Variants in MRPL48 observed in about 807,000 individuals in gnomAD.
MRPL48 encodes large ribosomal subunit protein mL48.
In MRPL48, 16 loss-of-function variants were observed where a neutral mutation model predicts 32.9. That is an observed-to-expected ratio of 0.49 (90% CI 0.33 to 0.74). The LOEUF (loss-of-function observed/expected upper bound fraction) is 0.74. Ranked by LOEUF, MRPL48 falls within the 30% of genes least tolerant of loss-of-function variation. The pLI is 0.02. For synonymous variants in MRPL48, 94 were observed against 89.2 expected, an observed-to-expected ratio of 1.05 and a Z score of -0.31; for missense variants, 206 against 245.3, an observed-to-expected ratio of 0.84 and a Z score of 1.07.
intron 3 of MRPL48, among the ~76,000 whole-genome samples, chr11:73,821,485 G>A (rs150492176): frequency 6.6e-6 from 1 of 152,098 alleles, no homozygotes; most frequent in African/African-American, 2.4e-5. Flanking sequence ...CTCATCTCTT[G>A]CCACCCTGAT....
intron 4 of MRPL48, among the ~76,000 whole-genome samples, chr11:73,833,565 A>G (rs1478672055): frequency 6.6e-6 from 1 of 152,216 alleles, no homozygotes; most frequent in African/African-American, 2.4e-5. Context: ...CATTTTAGAA[A>G]CATATTAAAT....
chr11:73,834,591 C>T (rs34877563), intron 4 of MRPL48, among the ~76,000 whole-genome samples: 8,155 of 147,712 alleles, frequency 0.055, 249 homozygotes, highest in Middle Eastern at 0.1. Context: ...TGGAGTGCAG[C>T]GGCGCGATCT....
chr11:73,836,282 C>T (rs539106424), intron 4 of MRPL48, among the ~76,000 whole-genome samples: 275 of 152,186 alleles, frequency 1.8e-3, no homozygotes, highest in Non-Finnish European at 2.5e-3. Flanking sequence ...GCAACCTCCA[C>T]CTCCTGGGTT....
chr11:73,856,056 A>AG (rs1477748441), intron 5 of MRPL48, among the ~76,000 whole-genome samples: 6 of 152,194 alleles, frequency 3.9e-5, no homozygotes, highest in African/African-American at 1.4e-4. Flanking sequence ...GACACACAGT[A>AG]GGCACTGAAT....
intron 1 of MRPL48, among the ~76,000 whole-genome samples, chr11:73,800,994 A>G (rs978712791): frequency 6.6e-5 from 10 of 151,820 alleles, no homozygotes; most frequent in Admixed American, 6.6e-5. Context: ...TATTTTTAGT[A>G]GAGACGAGGT....
intron 1 of MRPL48, among the ~76,000 whole-genome samples, chr11:73,790,374 CTTTT>C (rs759628609): frequency 0.022 from 1,285 of 57,858 alleles, 57 homozygotes; most frequent in African/African-American, 0.12. Flanking sequence ...CGCACCCGGC[CTTTT>C]TTTTTTTTTT....
intron 1 of MRPL48, among the ~76,000 whole-genome samples, chr11:73,798,859 C>T (rs1947307042): frequency 6.6e-6 from 1 of 151,940 alleles, no homozygotes. Context: ...GGTTTGGTGA[C>T]AGGCACCTGT....
chr11:73,789,177 A>AC (rs397970032), intron 1 of MRPL48, among the ~76,000 whole-genome samples: 1 of 151,958 alleles, frequency 6.6e-6, no homozygotes, highest in Non-Finnish European at 1.5e-5. Context: ...AGAAAAAAAA[A>AC]TCAGAAAGTT....
chr11:73,800,035 A>G (rs1257418562), intron 1 of MRPL48, among the ~76,000 whole-genome samples: 1 of 152,184 alleles, frequency 6.6e-6, no homozygotes, highest in Non-Finnish European at 1.5e-5. Flanking sequence ...GGCAATTTAC[A>G]TAAACTTTTT....
chr11:73,825,537 G>T (rs991921345), intron 3 of MRPL48, among the ~76,000 whole-genome samples, 171 bp from the exon 4 acceptor site: 4 of 151,932 alleles, frequency 2.6e-5, no homozygotes, highest in East Asian at 1.9e-4. Context: ...GGCGGGGAGG[G>T]GGGTGTGGGC....
rs34534770 is a variant in MRPL48 at position 73,790,062 on chromosome 11, ATTTTTTT to A, written c.21+2089_21+2095del. ...AGGTGTACACCACCATGCTCAGCTAATTTTTTTTTTTTTTTTTTTTTTTTTGAGACAG... is the reference window on the plus strand; with the variant it reads ...AGGTGTACACCACCATGCTCAGCTAATTTTTTTTTTTTTTTTTTGAGACAG... On this transcript the variant is annotated intron_variant, in intron 1 of 7. Coordinates refer to ENST00000310614, the MANE Select transcript of MRPL48 (RefSeq NM_016055.6). Among the ~76,000 whole-genome samples the A allele has an allele frequency of 4.6e-3, 473 of 103,818 alleles. 1 individual carries two copies. Among genetic ancestry groups the A allele is most frequent in the Non-Finnish European group, 6.6e-3 (348 of 52,794 alleles). The allele number at this position is 103,818 out of a possible 152,430, so 68.1% of individuals were successfully genotyped here.
intron 1 of MRPL48, among the ~76,000 whole-genome samples, chr11:73,801,111 G>A (rs550827766): frequency 3.3e-5 from 5 of 152,096 alleles, no homozygotes; most frequent in East Asian, 1.9e-4. Flanking sequence ...GGGCCTGGCC[G>A]AAAGTTGTCA....
intron 1 of MRPL48, among the ~76,000 whole-genome samples, chr11:73,791,950 G>T (rs189975577): frequency 2.0e-5 from 3 of 152,236 alleles, no homozygotes; most frequent in African/African-American, 7.2e-5. Context: ...TTGAGACACG[G>T]TCTCACTATG....
chr11:73,791,993 A>G (rs1003520084), intron 1 of MRPL48, among the ~76,000 whole-genome samples: 3 of 152,122 alleles, frequency 2.0e-5, no homozygotes, highest in Non-Finnish European at 2.9e-5. Flanking sequence ...TCTGAGCTCA[A>G]GTGATCCTCC....
Position 73,787,971 on chromosome 11 carries a change from G to A in MRPL48, c.-1G>A. 1.2e-6 allele frequency: 2 copies of A among 1,612,732 alleles called. No individual in the cohort carries two copies. The highest frequency in any genetic ancestry group is 2.2e-5 in the South Asian group (2 of 90,940). ...AGCTAGAGGCCGCGCAGCAGCAAAG[G>A]ATGAGCGGAACCTTGGAAAAGGTAA... On this transcript the variant is annotated 5_prime_UTR_variant, in exon 1 of 8. Coordinates refer to ENST00000310614, the MANE Select transcript of MRPL48 (RefSeq NM_016055.6).
At chr11:73,840,111 A>AC (rs911337716) in intron 4 of MRPL48, among the ~76,000 whole-genome samples, 14 of 151,948 alleles carry the variant, frequency 9.2e-5, no homozygotes, top group South Asian at 4.2e-4. Flanking sequence ...AAAAAAAAAA[A>AC]AACTCAGTTT....
At chr11:73,835,191 G>A (rs182754669) in intron 4 of MRPL48, among the ~76,000 whole-genome samples, 592 of 138,298 alleles carry the variant, frequency 4.3e-3, no homozygotes, top group Non-Finnish European at 6.3e-3. Context: ...CACCAGGCTG[G>A]AGTGCTGTGG....
chr11:73,810,899 T>G (rs941187403), intron 3 of MRPL48, among the ~76,000 whole-genome samples: 16 of 152,138 alleles, frequency 1.1e-4, no homozygotes, highest in African/African-American at 3.6e-4. Context: ...AGCTAAAAAT[T>G]TAGGTCTGAG....
rs753970856 is a variant in MRPL48, at chr11:73,859,910, T to C, written c.375T>C (p.Tyr125=). 12 of 1,613,520 alleles carry C rather than the reference T, an allele frequency of 7.4e-6. No homozygotes were observed. Among genetic ancestry groups the C allele is most frequent in the East Asian group, 2.2e-5 (1 of 44,874 alleles). Reference sequence around the variant, plus strand: ...AGCTGACTCTTCCTTCCCACAGTTATGCAATGCCAACCAAAACCATAGAAG... The same window carrying C: ...AGCTGACTCTTCCTTCCCACAGTTACGCAATGCCAACCAAAACCATAGAAG... ...NSLSIKVEES[Y]AMPTKTIEVL... Residue 125 remains tyrosine (Y), a synonymous_variant, in exon 6 of 8, where the codon TAT becomes TAC. Transcript: ENST00000310614.
Sources: gnomAD v4.1 joint callset for allele counts (sites outside exome capture counted in the v4.1 genomes callset) on GRCh38, gnomAD v4.1.1 for gene constraint, MANE v1.5 for transcripts, NCBI Gene and HGNC (gene_info 2026-07-23, HGNC 2026-07-21) for gene names.